The following ZNF711 variants were observed in gnomAD, a reference collection of about 807,000 sequenced individuals.
ZNF711 encodes zinc finger protein 711.
ZNF711 carries 3 observed loss-of-function variants against 43.5 expected under a neutral mutation model. The ratio of observed to expected loss-of-function variants is 0.07; its 90% CI spans 0.03 to 0.18. The LOEUF (loss-of-function observed/expected upper bound fraction) is 0.18. Ranked by LOEUF, ZNF711 falls within the 10% of genes least tolerant of loss-of-function variation. The pLI is 1.00. For missense variants in ZNF711, 412 were observed against 604.0 expected (o/e 0.68, Z 3.33); for synonymous variants, 209 against 207.7 (o/e 1.01, Z -0.06).
intron 9 of ZNF711, among the ~76,000 whole-genome samples, chrX:85,269,487 C>T (rs1448783878): frequency 9.3e-6 from 1 of 107,927 alleles, no homozygotes; most frequent in Non-Finnish European, 1.9e-5. Context: ...CTCAAGCAAT[C>T]CTCCCATCTC....
intron 5 of ZNF711, among the ~76,000 whole-genome samples, chrX:85,263,380 A>G (rs1930834456): frequency 9.0e-6 from 1 of 111,217 alleles, no homozygotes; most frequent in African/African-American, 3.2e-5. Context: ...AGAGGGGGAA[A>G]TACCCATTTA....
At chrX:85,257,996 C>G (rs12556482) in intron 5 of ZNF711, among the ~76,000 whole-genome samples, 29,031 of 111,941 alleles carry the variant, frequency 0.26, 3,111 homozygotes, top group African/African-American at 0.41. Flanking sequence ...GGAACTAAAA[C>G]TAGATCTACT....
chrX:85,270,920 C>G lies in ZNF711; in HGVS notation c.1516C>G (p.Pro506Ala), dbSNP rs775934169. 1 of 1,209,992 alleles carries G rather than the reference C, an allele frequency of 8.3e-7. No homozygotes were observed. The highest frequency in any genetic ancestry group is 3.0e-5 in the East Asian group (1 of 33,692). The change falls in exon 11 of 11, where the codon CCA becomes GCA. Residue 506 changes from proline (P) to alanine (A), a missense_variant. Pro to Ala is a conservative substitution (Grantham distance 27). This residue lies in a region of ZNF711 where 375 missense variants were observed against 514.2 expected (regional missense o/e 0.73). Transcript: ENST00000674551. ...CACACGAAGATACAGAGAGGCTAGT[C>G]CACTGAGTTCCAATAAACTTATTTT... ...EYTRRYREAS[P>A]LSSNKLILRD...
chrX:85,245,886 A>T lies in ZNF711; in HGVS notation c.-405-17A>T, dbSNP rs529029903. 9.8e-5 allele frequency: 11 copies of T among 112,090 alleles called. No individual in the cohort carries two copies. The East Asian group carries it at 2.8e-3, about 28-fold the overall frequency. The allele number at this position is 112,090 out of a possible 1,213,427, so 9.2% of individuals were successfully genotyped here. On this transcript the variant is annotated splice_polypyrimidine_tract_variant and intron_variant, in intron 1 of 10. Coordinates refer to ENST00000674551, the MANE Select transcript of ZNF711 (RefSeq NM_001330574.2). ...AATATTTTAAAGTATCTGATTTTGA[A>T]TGTATTTTTATAATAGGTAAAGAGA...
Position 85,270,699 on chromosome X carries a change from A to G in ZNF711, c.1295A>G (p.His432Arg). ...DGQPLTVYPCHICTKKFKSRG... is the reference protein window; with the variant it reads ...DGQPLTVYPCRICTKKFKSRG... The stretch of plus-strand genomic sequence containing the variant: ...CAGCCCCTCACAGTGTACCCTTGCC[A>G]TATTTGCACAAAAAAGTTTAAATCC... Residue 432 changes from histidine to arginine, a missense_variant, in exon 11 of 11, where the codon CAT becomes CGT. Physicochemically the swap from His to Arg is conservative, Grantham distance 29. This residue lies in a region of ZNF711 where 375 missense variants were observed against 514.2 expected (regional missense o/e 0.73). Transcript: ENST00000674551. The G allele has an allele frequency of 1.7e-6, 2 of 1,208,710 alleles. No homozygotes were observed. Among genetic ancestry groups the G allele is most frequent in the Non-Finnish European group, 1.1e-6 (1 of 893,852 alleles).
At chrX:85,250,811 G>T (rs12559082) in intron 4 of ZNF711, among the ~76,000 whole-genome samples, 23,821 of 110,237 alleles carry the variant, frequency 0.22, 2,459 homozygotes, top group African/African-American at 0.4. Context: ...TTCTGAACTC[G>T]TAAAAGGCAG....
Position 85,264,271 on chromosome X carries a change from A to G in ZNF711, c.623-4A>G, listed in dbSNP as rs1163730361. 2 of 1,184,993 alleles carry G rather than the reference A, an allele frequency of 1.7e-6. No individual in the cohort carries two copies. The highest frequency in any genetic ancestry group is 2.3e-6 in the Non-Finnish European group (2 of 874,491). Reference sequence around the variant, plus strand: ...ACTGAAATAATTTTGTTTATATTTTATAGTGGATGATGTTGGAGAAAAATT... The same window carrying G: ...ACTGAAATAATTTTGTTTATATTTTGTAGTGGATGATGTTGGAGAAAAATT... On this transcript the variant is annotated splice_polypyrimidine_tract_variant and splice_region_variant and intron_variant, in intron 5 of 10. Coordinates refer to ENST00000674551, the MANE Select transcript of ZNF711 (RefSeq NM_001330574.2).
chrX:85,252,380 A>C (rs1334141623), intron 4 of ZNF711, among the ~76,000 whole-genome samples: 2 of 111,746 alleles, frequency 1.8e-5, no homozygotes, highest in Admixed American at 9.5e-5. Context: ...ATCTGAAACC[A>C]AGTCCCCACT....
chrX:85,262,718 A>G (rs1174717172), intron 5 of ZNF711, among the ~76,000 whole-genome samples: 1 of 110,889 alleles, frequency 9.0e-6, no homozygotes, highest in Non-Finnish European at 1.9e-5. Flanking sequence ...TATCTTTCAT[A>G]GACAGTAAGC....
At chrX:85,248,472 CAAAAAAAAAAAA>C (rs1166126484) in intron 4 of ZNF711, among the ~76,000 whole-genome samples, 42 of 19,968 alleles carry the variant, frequency 2.1e-3, no homozygotes, top group African/African-American at 6.7e-3. Context: ...GACTCAGTCT[CAAAAAAAAAAAA>C]AAAAAAAAAA....
chrX:85,249,618 T>A (rs1315313370), intron 4 of ZNF711, among the ~76,000 whole-genome samples: 1 of 111,954 alleles, frequency 8.9e-6, no homozygotes, highest in Non-Finnish European at 1.9e-5. Flanking sequence ...ATCTACTACT[T>A]TTTTTCTTTT....
intron 3 of ZNF711, 28 bp from the exon 4 acceptor site, chrX:85,247,519 A>T (rs1023887561): frequency 9.6e-6 from 10 of 1,040,088 alleles, no homozygotes; most frequent in Non-Finnish European, 1.2e-5. Flanking sequence ...AATATATTAA[A>T]CTATTTTAAA....
chrX:85,246,613 T>A (rs1488505179), intron 2 of ZNF711, among the ~76,000 whole-genome samples: 1 of 112,359 alleles, frequency 8.9e-6, no homozygotes, highest in Non-Finnish European at 1.9e-5. Flanking sequence ...GATAAGTGCC[T>A]TATAAAATTG....
intron 8 of ZNF711, among the ~76,000 whole-genome samples, chrX:85,267,707 C>T (rs1931213551): frequency 1.8e-5 from 2 of 111,241 alleles, no homozygotes; most frequent in Non-Finnish European, 1.9e-5. Context: ...ATAGGAATAT[C>T]CTTTGAAAAT....
chrX:85,265,059 T>A, intron 6 of ZNF711, 59 bp from the exon 7 acceptor site: 1 of 1,034,227 alleles, frequency 9.7e-7, no homozygotes, highest in Non-Finnish European at 1.3e-6. Flanking sequence ...TTCTTCTTAT[T>A]AATTTAGGTG....
intron 4 of ZNF711, among the ~76,000 whole-genome samples, chrX:85,248,080 G>T (rs894261887): frequency 9.2e-6 from 1 of 108,968 alleles, no homozygotes; most frequent in African/African-American, 3.3e-5. Flanking sequence ...ATAGTGATAT[G>T]CAGAATCATG....
rs1931563082 is a variant in ZNF711, at chrX:85,271,439, G to A, written c.2035G>A (p.Glu679Lys). The A allele has an allele frequency of 8.3e-7, 1 of 1,209,221 alleles. No homozygotes were observed. The highest frequency in any genetic ancestry group is 1.8e-5 in the African/African-American group (1 of 57,047). ...VCDKGFHRPS[E>K]LKKHSDIHKG... Reference sequence around the variant, plus strand: ...TGATAAAGGTTTTCATCGTCCTTCTGAGCTCAAAAAGCATAGTGATATCCA... The same window carrying A: ...TGATAAAGGTTTTCATCGTCCTTCTAAGCTCAAAAAGCATAGTGATATCCA... The change falls in exon 11 of 11, where the codon GAG (glutamate) becomes AAG (lysine). Residue 679 changes from glutamate to lysine, a missense_variant. By Grantham distance (56) the Glu-to-Lys change is moderately conservative (BLOSUM62 1). Transcript: ENST00000674551.
intron 4 of ZNF711, among the ~76,000 whole-genome samples, chrX:85,248,830 C>G (rs928949017): frequency 8.9e-6 from 1 of 111,797 alleles, no homozygotes; most frequent in African/African-American, 3.3e-5. Context: ...TACTATTGTT[C>G]GTTGATAATA....
chrX:85,252,900 C>CT lies in ZNF711; in HGVS notation c.80-2358dup, dbSNP rs1929673331. Among the ~76,000 whole-genome samples the CT allele has an allele frequency of 2.7e-5, 3 of 111,704 alleles. No homozygotes were observed. The Admixed American group carries it at 2.8e-4, about 11-fold the overall frequency. On this transcript the variant is annotated intron_variant, in intron 4 of 10. Transcript: ENST00000674551. ...CTTTGATGTGTTAGTGTCCATTGGTCTCCATCCTAACTTGGTAACTAACTT... is the reference window on the plus strand; with the variant it reads ...CTTTGATGTGTTAGTGTCCATTGGTCTTCCATCCTAACTTGGTAACTAACTT...
Sources: allele counts gnomAD v4.1 joint callset (sites outside exome capture counted in the v4.1 genomes callset), GRCh38; gene constraint gnomAD v4.1.1; regional missense constraint gnomAD v4.1.1; transcripts MANE v1.5; gene names NCBI Gene and HGNC (gene_info 2026-07-23, HGNC 2026-07-21).